AGXT2: variants seen among roughly 807,000 people sequenced by gnomAD.
AGXT2 encodes alanine--glyoxylate aminotransferase 2.
AGXT2 carries 61 observed loss-of-function variants against 62.5 expected under a neutral mutation model. The ratio of observed to expected loss-of-function variants is 0.98; its 90% CI spans 0.79 to 1.21. The LOEUF (loss-of-function observed/expected upper bound fraction) is 1.21, where lower values mean the gene tolerates loss of function less well. AGXT2 is among the 50% of genes most tolerant of loss of function. The pLI is 0.00. For synonymous variants in AGXT2, 243 were observed against 218.7 expected (o/e 1.11, Z -0.98); for missense variants, 666 against 641.5 (o/e 1.04, Z -0.41).
At chr5:35,035,403 C>G in intron 4 of AGXT2, 87 bp from the exon 5 acceptor site, 1 of 1,100,926 alleles carries the variant, frequency 9.1e-7, no homozygotes. Context: ...GGTGTCCAGC[C>G]CCTGAGTATT....
intron 1 of AGXT2, among the ~76,000 whole-genome samples, chr5:35,042,417 G>A (rs570422231): frequency 5.9e-5 from 9 of 152,158 alleles, no homozygotes; most frequent in African/African-American, 2.2e-4. Flanking sequence ...GCAAGTAGGA[G>A]AAAGAATAAT....
At chr5:35,003,639 A>G (rs1766318338) in intron 13 of AGXT2, 124 bp downstream of exon 13, 3 of 936,294 alleles carry the variant, frequency 3.2e-6, no homozygotes, top group Non-Finnish European at 5.3e-6. Context: ...ACCTCGGCAC[A>G]GTTGTGTAAA....
intron 5 of AGXT2, 121 bp downstream of exon 5, chr5:35,035,101 A>T: frequency 2.2e-6 from 2 of 893,826 alleles, no homozygotes; most frequent in Admixed American, 3.9e-5. Context: ...TTAAAACTTA[A>T]CAACTAGAAA....
intron 13 of AGXT2, 68 bp from the exon 14 acceptor site, chr5:34,998,894 C>G: frequency 8.2e-7 from 1 of 1,215,494 alleles, no homozygotes; most frequent in Middle Eastern, 1.9e-4. Flanking sequence ...AGGAAATGCA[C>G]TAAACTAAAA....
At chr5:35,011,159 CA>C (rs1766624396) in intron 11 of AGXT2, among the ~76,000 whole-genome samples, 1 of 152,128 alleles carries the variant, frequency 6.6e-6, no homozygotes, top group South Asian at 2.1e-4. Flanking sequence ...GTTGAGGTAA[CA>C]AAGCACTTTT....
chr5:35,004,536 C>G (rs372615192), intron 12 of AGXT2, among the ~76,000 whole-genome samples: 1 of 152,186 alleles, frequency 6.6e-6, no homozygotes, highest in East Asian at 1.9e-4. Context: ...TCTGTGCGTC[C>G]CCTGTCTTCC....
intron 3 of AGXT2, 91 bp from the exon 4 acceptor site, chr5:35,037,156 T>TTTTGAAAA: frequency 6.3e-7 from 1 of 1,579,872 alleles, no homozygotes; most frequent in Non-Finnish European, 8.6e-7. Context: ...TACTGTTTTT[T>TTTTGAAAA]CTCAAAGAGT....
chr5:35,030,817 G>A (rs6882350), intron 7 of AGXT2, among the ~76,000 whole-genome samples: 142,807 of 152,244 alleles, frequency 0.94, 67,443 homozygotes, highest in Non-Finnish European at 1. Context: ...GGGTCTGGGA[G>A]GTGCATCAAA....
intron 1 of AGXT2, among the ~76,000 whole-genome samples, chr5:35,045,769 T>TC (rs1417991689): frequency 7.5e-4 from 26 of 34,466 alleles, no homozygotes; most frequent in African/African-American, 5.6e-4. Flanking sequence ...TTTTTCTTTT[T>TC]TTTTTTTTTT....
intron 11 of AGXT2, among the ~76,000 whole-genome samples, chr5:35,011,046 T>C (rs990979722): frequency 6.6e-6 from 1 of 152,218 alleles, no homozygotes; most frequent in African/African-American, 2.4e-5. Context: ...ACATGAAATA[T>C]ACTATATTTT....
chr5:35,022,037 C>T (rs1234216155), intron 9 of AGXT2, among the ~76,000 whole-genome samples: 1 of 152,082 alleles, frequency 6.6e-6, no homozygotes, highest in East Asian at 1.9e-4. Flanking sequence ...CCATCTCACA[C>T]CAGTTAGAAT....
At chr5:35,028,616 AG>A (rs1169180667) in intron 7 of AGXT2, among the ~76,000 whole-genome samples, 4,635 of 40,800 alleles carry the variant, frequency 0.11, 1,132 homozygotes, top group Non-Finnish European at 0.14. Flanking sequence ...AGAGAGAGAG[AG>A]AGAAATTCTT....
intron 7 of AGXT2, among the ~76,000 whole-genome samples, chr5:35,028,590 AG>A (rs1408472611): frequency 4.3e-4 from 65 of 150,128 alleles, no homozygotes; most frequent in African/African-American, 6.6e-4. Context: ...AGAGAGAGAG[AG>A]AGAGAGAGAG....
rs1766322000 is a variant in AGXT2 at position 35,003,786 on chromosome 5, C to T, written c.1414G>A (p.Gly472Ser). 6 of 1,614,136 alleles carry T rather than the reference C, an allele frequency of 3.7e-6. No homozygotes were observed. The highest frequency in any genetic ancestry group is 4.2e-6 in the Non-Finnish European group (5 of 1,180,004). The change falls in exon 13 of 14, where the codon GGC (glycine) becomes AGC (serine). Residue 472 changes from glycine to serine, a missense_variant. Transcript: ENST00000231420. ...EDCKHMGLLV[G>S]RGSIFSQTFR... is the part of the protein sequence containing the mutation. ...ACCTGAGAAAAAATGCTGCCTCTGC[C>T]AACGAGGAGTCCCATGTGCTTGCAG...
At chr5:35,031,221 C>T (rs1375802169) in intron 7 of AGXT2, among the ~76,000 whole-genome samples, 2 of 152,188 alleles carry the variant, frequency 1.3e-5, no homozygotes, top group African/African-American at 2.4e-5. Flanking sequence ...TCTTAGCTCT[C>T]CAGTCTCCTC....
chr5:35,012,129 A>C (rs11745961), intron 11 of AGXT2, among the ~76,000 whole-genome samples: 13,648 of 152,128 alleles, frequency 0.09, 775 homozygotes, highest in South Asian at 0.15. Flanking sequence ...TATTGGGTAC[A>C]ATGTACACTA....
At chr5:35,004,083 C>T (rs548700805) in intron 12 of AGXT2, among the ~76,000 whole-genome samples, 1 of 152,084 alleles carries the variant, frequency 6.6e-6, no homozygotes, top group East Asian at 1.9e-4. Flanking sequence ...GTTTCTAATC[C>T]GAATTCATCC....
At chr5:35,013,108 C>A in intron 10 of AGXT2, 63 bp from the exon 11 acceptor site, 1 of 1,419,850 alleles carries the variant, frequency 7.0e-7, no homozygotes, top group Non-Finnish European at 9.7e-7. Flanking sequence ...TCTCTCATCG[C>A]GCCATTTGGA....
intron 7 of AGXT2, among the ~76,000 whole-genome samples, chr5:35,030,665 A>T (rs1188574951): frequency 6.6e-6 from 1 of 152,226 alleles, no homozygotes; most frequent in African/African-American, 2.4e-5. Context: ...AATTGGCTTA[A>T]GTAGTCCTAT....
Sources: allele counts gnomAD v4.1 joint callset (sites outside exome capture counted in the v4.1 genomes callset), GRCh38; gene constraint gnomAD v4.1.1; transcripts MANE v1.5; gene names NCBI Gene and HGNC (gene_info 2026-07-23, HGNC 2026-07-21).